Variants in STIP1 observed in about 807,000 individuals in gnomAD.
STIP1 encodes the protein stress induced phosphoprotein 1.
A neutral mutation model predicts 77.4 loss-of-function variants in STIP1; 16 were observed. The observed-to-expected ratio is 0.21, with a 90% CI of 0.14 to 0.31. STIP1 has a LOEUF of 0.31. Ranked by LOEUF, STIP1 falls within the 10% of genes least tolerant of loss-of-function variation. The pLI, the probability that STIP1 is intolerant of heterozygous loss-of-function variation, is 1.00. For missense variants in STIP1, 524 were observed against 684.8 expected (o/e 0.77, Z 2.62); for synonymous variants, 258 against 246.6 (o/e 1.05, Z -0.44).
At chr11:64,186,008 G>C, upstream of STIP1, 1 of 1,543,628 alleles carries the variant, frequency 6.5e-7, no homozygotes, top group East Asian at 2.4e-5. Flanking sequence ...ATCCTGAGGT[G>C]CGGGGGAGGC....
intron 1 of STIP1, among the ~76,000 whole-genome samples, chr11:64,188,982 C>T (rs543238332): frequency 3.3e-5 from 5 of 152,140 alleles, no homozygotes; most frequent in African/African-American, 9.6e-5. Flanking sequence ...TTTGGGAGGC[C>T]GAGGTGGGCG....
chr11:64,187,750 C>G (rs764732661), intron 1 of STIP1, among the ~76,000 whole-genome samples: 1 of 152,122 alleles, frequency 6.6e-6, no homozygotes, highest in Non-Finnish European at 1.5e-5. Context: ...GCCTGTAATC[C>G]CAGCACTTTG....
At chr11:64,185,750 T>G, upstream of STIP1, 1 of 1,514,622 alleles carries the variant, frequency 6.6e-7, no homozygotes, top group Non-Finnish European at 8.8e-7. Flanking sequence ...GGGCAGCGAT[T>G]TAAACCAATC....
chr11:64,203,509 C>T lies in STIP1; in HGVS notation c.1446C>T (p.Pro482=), dbSNP rs773102470. The stretch of plus-strand genomic sequence containing the variant: ...CGCAGTACAACCGGCACGACAGCCC[C>T]GAAGATGTGAAGCGACGAGCCATGG... ...MMAQYNRHDS[P]EDVKRRAMAD... is the part of the protein sequence containing the mutation. The change falls in exon 13 of 14, where the codon CCC becomes CCT. Residue 482 remains proline (P), a synonymous_variant. Transcript: ENST00000305218. The T allele has an allele frequency of 6.1e-5, 99 of 1,613,864 alleles. No homozygotes were observed. The highest frequency in any genetic ancestry group is 2.2e-4 in the Admixed American group (13 of 59,982).
chr11:64,201,892 A>T (rs1023099145), intron 10 of STIP1, among the ~76,000 whole-genome samples: 1 of 152,220 alleles, frequency 6.6e-6, no homozygotes, highest in African/African-American at 2.4e-5. Context: ...TGTACTGCAT[A>T]GTGTTCTCTT....
chr11:64,199,881 C>T (rs1946196598), intron 8 of STIP1, 59 bp from the exon 9 acceptor site: 2 of 1,597,194 alleles, frequency 1.3e-6, no homozygotes. Flanking sequence ...GATTTTTAAG[C>T]CCAATATTTA....
At chr11:64,198,924 G>A (rs918905580) in intron 8 of STIP1, among the ~76,000 whole-genome samples, 1 of 150,030 alleles carries the variant, frequency 6.7e-6, no homozygotes, top group African/African-American at 2.5e-5. Flanking sequence ...CAATAGCCGG[G>A]TGCAGTGGCT....
chr11:64,197,730 CAGAGACA>C (rs1946166778), intron 7 of STIP1, 117 bp from the exon 8 acceptor site: 7 of 1,549,356 alleles, frequency 4.5e-6, no homozygotes, highest in Non-Finnish European at 6.2e-6. Flanking sequence ...AGAAGGTCAC[CAGAGACA>C]AGACAAAAGG....
chr11:64,187,939 C>G (rs1336539017), intron 1 of STIP1, among the ~76,000 whole-genome samples: 1 of 150,586 alleles, frequency 6.6e-6, no homozygotes, highest in Non-Finnish European at 1.5e-5. Context: ...CTGGGGGCAG[C>G]TTGCAGTGAG....
upstream of STIP1, chr11:64,185,970 G>A: frequency 1.9e-6 from 3 of 1,539,362 alleles, no homozygotes; most frequent in South Asian, 3.6e-5. Flanking sequence ...TGGAGCCTGA[G>A]ATGGGTGGGT....
chr11:64,204,000 C>T, intron 13 of STIP1, 54 bp from the exon 14 acceptor site: 1 of 1,596,404 alleles, frequency 6.3e-7, no homozygotes. Context: ...GCTCTGAGAG[C>T]AAGTAAGACT....
At chr11:64,187,897 C>G (rs1198610702) in intron 1 of STIP1, among the ~76,000 whole-genome samples, 3 of 151,840 alleles carry the variant, frequency 2.0e-5, no homozygotes, top group Non-Finnish European at 4.4e-5. Context: ...CCCAGCTACT[C>G]GGGAGGCTGA....
chr11:64,198,751 T>TG (rs1157171492), intron 8 of STIP1, among the ~76,000 whole-genome samples: 6 of 126,902 alleles, frequency 4.7e-5, no homozygotes, highest in East Asian at 2.8e-4. Flanking sequence ...TTTTTTTTTG[T>TG]GGTTTTTTTT....
chr11:64,188,729 TGTACAG>T (rs755400488), intron 1 of STIP1, among the ~76,000 whole-genome samples: 5 of 152,176 alleles, frequency 3.3e-5, no homozygotes, highest in Non-Finnish European at 4.4e-5. Flanking sequence ...TAGAAGTGTA[TGTACAG>T]GTAGGTAGAT....
At chr11:64,203,832 G>A in intron 13 of STIP1, 1 of 776,520 alleles carries the variant, frequency 1.3e-6, no homozygotes, top group Non-Finnish European at 2.1e-6. Flanking sequence ...GGCCCATTTA[G>A]CTGGGAGAAA....
At position 64,200,627 on chromosome 11, in the gene STIP1, G is replaced by A. The variant is rs577655714; in HGVS notation, c.1245+334G>A. The stretch of plus-strand genomic sequence containing the variant: ...TGTGTGTGTGTGTGTGTGTGTGTGT[G>A]TAAAATATGGGACCTGTATCTATCT... On this transcript the variant is annotated intron_variant, in intron 10 of 13. Coordinates refer to ENST00000305218, the MANE Select transcript of STIP1 (RefSeq NM_006819.3). 4.3e-5 allele frequency among the ~76,000 whole-genome samples: 6 copies of A among 139,380 alleles called. No homozygotes were observed. The East Asian group carries it at 1.1e-3, about 24-fold the overall frequency. 91.4% of individuals were successfully genotyped at this position (139,380 alleles called of 152,430 possible). A position where few individuals can be genotyped will look rare whatever the true frequency, so the allele number is the denominator to read the frequency against.
At chr11:64,198,114 AGTGGCACAATC>A in intron 8 of STIP1, 140 bp downstream of exon 8, 1 of 1,249,132 alleles carries the variant, frequency 8.0e-7, no homozygotes, top group East Asian at 2.6e-5. Context: ...GCTGAAAGAC[AGTGGCACAATC>A]GTGGCTCACT....
chr11:64,188,355 AAAAAG>A (rs1289181821), intron 1 of STIP1, among the ~76,000 whole-genome samples: 30 of 151,452 alleles, frequency 2.0e-4, no homozygotes, highest in African/African-American at 6.3e-4. Flanking sequence ...AAAAAAAAAA[AAAAAG>A]AAAAGAAACG....
intron 10 of STIP1, 148 bp downstream of exon 10, chr11:64,200,441 C>T: frequency 7.8e-7 from 1 of 1,288,204 alleles, no homozygotes; most frequent in Non-Finnish European, 1.1e-6. Flanking sequence ...TCCTGAGGAG[C>T]TAGGACCACA....
Sources: allele counts gnomAD v4.1 joint callset (sites outside exome capture counted in the v4.1 genomes callset), GRCh38; gene constraint gnomAD v4.1.1; transcripts MANE v1.5; gene names NCBI Gene and HGNC (gene_info 2026-07-23, HGNC 2026-07-21).